Variants in CWF19L2 observed in about 807,000 individuals in gnomAD.
The protein encoded by CWF19L2 is CWF19 like cell cycle control factor 2.
A neutral mutation model predicts 111.7 loss-of-function variants in CWF19L2; 98 were observed. The ratio of observed to expected loss-of-function variants is 0.88; its 90% CI spans 0.75 to 1.04. The LOEUF is 1.04. CWF19L2 is among the 50% of genes least tolerant of loss of function. The pLI, the probability that CWF19L2 is intolerant of heterozygous loss-of-function variation, is 0.00. For synonymous variants in CWF19L2, 351 were observed against 342.9 expected (o/e 1.02, Z -0.26); for missense variants, 1,101 against 1,051.4 (o/e 1.05, Z -0.65).
At chr11:107,403,721 T>C in intron 10 of CWF19L2, 1 of 846,030 alleles carries the variant, frequency 1.2e-6, no homozygotes, top group Non-Finnish European at 2.1e-6. Context: ...TGCCGCCTCC[T>C]TCTCCCTTTC....
chr11:107,397,217 G>GT (rs1354587385), intron 10 of CWF19L2, among the ~76,000 whole-genome samples: 1 of 152,144 alleles, frequency 6.6e-6, no homozygotes, highest in East Asian at 1.9e-4. Context: ...CACAGGCAGG[G>GT]TAAGAACTAA....
At chr11:107,439,035 GAAAAAAAAA>G (rs375132996) in intron 6 of CWF19L2, 46 bp downstream of exon 6, 3 of 288,602 alleles carry the variant, frequency 1.0e-5, no homozygotes, top group Non-Finnish European at 1.7e-5. Flanking sequence ...ACTCTGTCTC[GAAAAAAAAA>G]AAAAAAAAAA....
intron 3 of CWF19L2, among the ~76,000 whole-genome samples, chr11:107,448,985 G>A (rs1861740542): frequency 6.6e-6 from 1 of 151,138 alleles, no homozygotes; most frequent in African/African-American, 2.4e-5. Flanking sequence ...TATCACAATT[G>A]ATTCACTGAA....
intron 14 of CWF19L2, chr11:107,345,539 A>C (rs1490571800): frequency 2.2e-6 from 1 of 446,314 alleles, no homozygotes; most frequent in South Asian, 1.7e-5. Flanking sequence ...AATTATAAAC[A>C]AAAACTGAAA....
chr11:107,389,415 C>T (rs1465409462), intron 12 of CWF19L2, among the ~76,000 whole-genome samples: 1 of 152,190 alleles, frequency 6.6e-6, no homozygotes, highest in African/African-American at 2.4e-5. Flanking sequence ...CAAATATAGA[C>T]AGTAGGCTGA....
intron 12 of CWF19L2, among the ~76,000 whole-genome samples, chr11:107,385,814 T>C (rs961566589): frequency 3.3e-5 from 5 of 152,252 alleles, no homozygotes; most frequent in Non-Finnish European, 5.9e-5. Flanking sequence ...CTGTGTATGC[T>C]ACCTGTCTGT....
At chr11:107,361,523 T>G (rs1226431152) in intron 12 of CWF19L2, among the ~76,000 whole-genome samples, 1 of 152,236 alleles carries the variant, frequency 6.6e-6, no homozygotes, top group African/African-American at 2.4e-5. Flanking sequence ...ATGCTGTTGG[T>G]ATGTTGATAG....
At chr11:107,360,496 T>C (rs545800187) in intron 12 of CWF19L2, among the ~76,000 whole-genome samples, 27 of 152,194 alleles carry the variant, frequency 1.8e-4, no homozygotes, top group Non-Finnish European at 3.4e-4. Flanking sequence ...AGTAGATAGA[T>C]ACCTAGTAAT....
chr11:107,454,531 T>C lies in CWF19L2; in HGVS notation c.258A>G (p.Ser86=), dbSNP rs1188400795. The change falls in exon 3 of 18, where the codon TCA becomes TCG. Residue 86 remains serine (S), a synonymous_variant. Transcript: ENST00000282251. ...TTTTCTTTTCTTTCTTTGCTTTTTT[T>C]GAATGCTTGTCTTTTTTCTTCTTTT... ...VKKKKKKDKH[S]KKAKKEKKKK... is the part of the protein sequence containing the mutation. 1.4e-6 allele frequency: 2 copies of C among 1,477,002 alleles called. No individual in the cohort carries two copies. Among genetic ancestry groups the C allele is most frequent in the Non-Finnish European group, 1.8e-6 (2 of 1,119,376 alleles). The allele number at this position is 1,477,002 out of a possible 1,614,324, so 91.5% of individuals were successfully genotyped here.
In CWF19L2 at chr11:107,442,943, A is replaced by C. The variant is rs1388839900; in HGVS notation, c.446T>G (p.Ile149Ser). Residue 149 changes from isoleucine (I) to serine (S), a missense_variant, in exon 4 of 18, where the codon ATC (isoleucine) becomes AGC (serine). Coordinates refer to ENST00000282251, the MANE Select transcript of CWF19L2 (RefSeq NM_152434.3). ...EKSGKDDTQI[I>S]KRDEWMTVDF... ...AAAATCAAGTGGCTTGCTTACCTTG[A>C]TAATTTGGGTGTCATCTTTTCCTGA... 2 of 1,541,966 alleles carry C rather than the reference A, an allele frequency of 1.3e-6. No homozygotes were observed. Among genetic ancestry groups the C allele is most frequent in the East Asian group, 4.9e-5 (2 of 40,830 alleles).
chr11:107,408,905 G>T (rs1226461947), intron 10 of CWF19L2, among the ~76,000 whole-genome samples: 1 of 151,918 alleles, frequency 6.6e-6, no homozygotes, highest in Admixed American at 6.6e-5. Context: ...TAAAATATTT[G>T]ACCTAGAAAA....
Position 107,428,978 on chromosome 11 carries a change from T to C in CWF19L2, c.1254A>G (p.Ser418=). The C allele has an allele frequency of 1.2e-6, 2 of 1,613,804 alleles. No individual in the cohort carries two copies. Among genetic ancestry groups the C allele is most frequent in the Non-Finnish European group, 1.7e-6 (2 of 1,179,786 alleles). ...PTKNSEERLT[S]WSRSDGRGDK... ...CTCCTCTCCCATCAGAGCGACTCCA[T>C]GATGTTAATCTTTCTTCACTGTTCT... Residue 418 remains serine (S), a synonymous_variant, in exon 8 of 18, where the codon TCA becomes TCG. Coordinates refer to ENST00000282251, the MANE Select transcript of CWF19L2 (RefSeq NM_152434.3).
At chr11:107,427,532 G>A (rs188831636) in intron 8 of CWF19L2, among the ~76,000 whole-genome samples, 47 of 152,092 alleles carry the variant, frequency 3.1e-4, no homozygotes, top group South Asian at 1.5e-3. Flanking sequence ...CAACCGGTTG[G>A]AATACTAATC....
chr11:107,403,275 CAA>C, intron 10 of CWF19L2: 1 of 420,534 alleles, frequency 2.4e-6, no homozygotes, highest in Non-Finnish European at 4.3e-6. Context: ...TATTTATCTG[CAA>C]AAGACACTTC....
intron 8 of CWF19L2, among the ~76,000 whole-genome samples, chr11:107,427,576 T>C (rs903743812): frequency 1.3e-5 from 2 of 152,052 alleles, no homozygotes; most frequent in Non-Finnish European, 2.9e-5. Flanking sequence ...TTTGCTTAGC[T>C]ACAGTCACAG....
chr11:107,415,190 A>G (rs1486371832), intron 10 of CWF19L2, among the ~76,000 whole-genome samples: 3 of 152,108 alleles, frequency 2.0e-5, no homozygotes, highest in Non-Finnish European at 4.4e-5. Flanking sequence ...CACATCAGAC[A>G]TATTTCCATC....
At chr11:107,330,094 C>A in intron 16 of CWF19L2, 75 bp from the exon 17 acceptor site, 1 of 780,770 alleles carries the variant, frequency 1.3e-6, no homozygotes, top group Non-Finnish European at 2.0e-6. Flanking sequence ...CCCCTCTTCT[C>A]TGGAAGGACA....
At chr11:107,449,084 T>C (rs1591211798) in intron 3 of CWF19L2, among the ~76,000 whole-genome samples, 3 of 136,934 alleles carry the variant, frequency 2.2e-5, no homozygotes, top group South Asian at 4.7e-4. Flanking sequence ...GACTACAGAG[T>C]TCTCAATATG....
chr11:107,446,958 T>C (rs1861710080), intron 3 of CWF19L2, among the ~76,000 whole-genome samples: 1 of 152,128 alleles, frequency 6.6e-6, no homozygotes, highest in Non-Finnish European at 1.5e-5. Flanking sequence ...CCTTCAGGGC[T>C]CTCCTTCTCT....
Sources: allele counts gnomAD v4.1 joint callset (sites outside exome capture counted in the v4.1 genomes callset), GRCh38; gene constraint gnomAD v4.1.1; transcripts MANE v1.5; gene names NCBI Gene and HGNC (gene_info 2026-07-23, HGNC 2026-07-21).